GRIN2D: variants seen among roughly 807,000 people sequenced by gnomAD.
The protein encoded by GRIN2D is glutamate receptor ionotropic, NMDA 2D.
A neutral mutation model predicts 103.2 loss-of-function variants in GRIN2D; 37 were observed. The ratio of observed to expected loss-of-function variants is 0.36; its 90% CI spans 0.28 to 0.47. GRIN2D has a LOEUF of 0.47. GRIN2D is among the 20% of genes least tolerant of loss of function. The pLI, the probability that GRIN2D is intolerant of heterozygous loss-of-function variation, is 1.00. For missense variants in GRIN2D, 1,557 were observed against 1,910.6 expected, an observed-to-expected ratio of 0.81 and a Z score of 3.45; for synonymous variants, 845 against 885.6, an observed-to-expected ratio of 0.95 and a Z score of 0.81.
At chr19:48,434,718 G>A (rs1971208078) in intron 11 of GRIN2D, among the ~76,000 whole-genome samples, 1 of 151,954 alleles carries the variant, frequency 6.6e-6, no homozygotes, top group Non-Finnish European at 1.5e-5. Flanking sequence ...ACAAGCTTGA[G>A]TGACCACTCC....
intron 4 of GRIN2D, among the ~76,000 whole-genome samples, chr19:48,411,049 G>A (rs1970853123): frequency 6.6e-6 from 1 of 152,098 alleles, no homozygotes; most frequent in African/African-American, 2.4e-5. Context: ...TAAGACACAT[G>A]GAGTTGGTCA....
rs956673437 is a variant in GRIN2D, at chr19:48,394,787, G to A, written c.-176G>A. 2 of 155,628 alleles carry A rather than the reference G, an allele frequency of 1.3e-5. No homozygotes were observed. Among genetic ancestry groups the A allele is most frequent in the Non-Finnish European group, 1.4e-5 (1 of 70,530 alleles). 9.6% of individuals were successfully genotyped at this position (155,628 alleles called of 1,614,324 possible). On this transcript the variant is annotated 5_prime_UTR_variant, in exon 2 of 14. Coordinates refer to ENST00000263269, the MANE Select transcript of GRIN2D (RefSeq NM_000836.4). This position sits in a 1 kb window ranked among gnomAD's most constrained non-coding sequence, Gnocchi z 5.1. ...GGACAGACAGGAGGTCCGGGCTGCC[G>A]CTGCTGCCGCCACCACCACTGCCGC...
At chr19:48,423,596 A>G (rs1221876252) in intron 11 of GRIN2D, among the ~76,000 whole-genome samples, 2 of 152,028 alleles carry the variant, frequency 1.3e-5, no homozygotes, top group African/African-American at 2.4e-5. Flanking sequence ...CTTCAGACGG[A>G]GGGAACAGAG....
chr19:48,411,269 G>A (rs1049761708), intron 4 of GRIN2D, among the ~76,000 whole-genome samples: 74 of 151,684 alleles, frequency 4.9e-4, no homozygotes, highest in African/African-American at 1.6e-3. Flanking sequence ...AGGTTGCAGT[G>A]AGCCAAGATC....
chr19:48,407,394 C>T (rs913031975), intron 4 of GRIN2D, among the ~76,000 whole-genome samples: 1 of 152,036 alleles, frequency 6.6e-6, no homozygotes, highest in Admixed American at 6.6e-5. Context: ...AGTTCTTTAC[C>T]CAGAATTTCT....
chr19:48,400,167 C>T (rs968349729), intron 3 of GRIN2D, among the ~76,000 whole-genome samples: 16 of 151,952 alleles, frequency 1.1e-4, no homozygotes, highest in African/African-American at 3.4e-4. Context: ...CCAGTTGTAG[C>T]GGACCTCTGG....
chr19:48,410,295 C>T (rs1970841373), intron 4 of GRIN2D, among the ~76,000 whole-genome samples: 1 of 150,154 alleles, frequency 6.7e-6, no homozygotes. Context: ...TTTGGGAGGC[C>T]GAGGCGGGCG....
chr19:48,406,288 G>A (rs929992016), intron 4 of GRIN2D, among the ~76,000 whole-genome samples: 29 of 152,206 alleles, frequency 1.9e-4, no homozygotes, highest in African/African-American at 6.3e-4. Flanking sequence ...AAGGAAGAGT[G>A]GGAAATGTCA....
At chr19:48,431,897 T>C (rs1293502257) in intron 11 of GRIN2D, among the ~76,000 whole-genome samples, 1 of 138,540 alleles carries the variant, frequency 7.2e-6, no homozygotes, top group Non-Finnish European at 1.6e-5. Context: ...CTTTCCTTTC[T>C]TTTCTTTTAT....
In GRIN2D at chr19:48,393,739, C is replaced by T. The variant is rs986584820; in HGVS notation, c.-435C>T. On this transcript the variant is annotated 5_prime_UTR_variant, in exon 1 of 14. Transcript: ENST00000263269. This position sits in a 1 kb window ranked among gnomAD's most constrained non-coding sequence, Gnocchi z 5.6. ...CCCTCCCGCTCCAGCTCCTCCAAGC[C>T]GCGGCCGCCGCCGCCACCCTCGCCC... Among the ~76,000 whole-genome samples the T allele has an allele frequency of 3.9e-5, 6 of 152,086 alleles. No homozygotes were observed. In the South Asian group the frequency reaches 6.2e-4, roughly 16 times the overall value.
At chr19:48,402,115 GGAAA>G (rs201781099) in intron 3 of GRIN2D, among the ~76,000 whole-genome samples, 13,460 of 87,640 alleles carry the variant, frequency 0.15, 838 homozygotes, top group Non-Finnish European at 0.2. Context: ...AGAAAGAGAA[GGAAA>G]GAAAGAAAGA....
At chr19:48,416,608 A>C (rs1291921822) in intron 8 of GRIN2D, among the ~76,000 whole-genome samples, 1 of 152,224 alleles carries the variant, frequency 6.6e-6, no homozygotes, top group Non-Finnish European at 1.5e-5. Flanking sequence ...TTTACTGAGC[A>C]TCTACTATGT....
intron 11 of GRIN2D, among the ~76,000 whole-genome samples, chr19:48,426,224 C>CTTTTTTTTTTTTTTTTTTTT (rs369360320): frequency 7.5e-5 from 9 of 120,114 alleles, no homozygotes; most frequent in African/African-American, 2.5e-4. Flanking sequence ...TTCTTTCTTT[C>CTTTTTTTTTTTTTTTTTTTT]TTTTTTTTTT....
At chr19:48,424,627 C>T (rs1378580231) in intron 11 of GRIN2D, among the ~76,000 whole-genome samples, 2 of 152,098 alleles carry the variant, frequency 1.3e-5, no homozygotes, top group Non-Finnish European at 2.9e-5. Flanking sequence ...TATTTTGACA[C>T]GTAATCAGTA....
chr19:48,412,220 T>C (rs951149335), intron 4 of GRIN2D, among the ~76,000 whole-genome samples: 1 of 151,482 alleles, frequency 6.6e-6, no homozygotes, highest in Non-Finnish European at 1.5e-5. Context: ...TCCCAGTTAC[T>C]TGTGAGGCTG....
In GRIN2D at chr19:48,405,118, G is replaced by T; in HGVS notation, c.850G>T (p.Gly284Cys). 1 of 1,582,568 alleles carries T rather than the reference G, an allele frequency of 6.3e-7. No homozygotes were observed. ...MVGPQLAGGG[G>C]SGAPGEPPLL... Reference sequence around the variant, plus strand: ...GGGGCCCCAGCTGGCTGGAGGCGGGGGCTCTGGGGCCCCTGGTGAGCCCCC... The same window carrying T: ...GGGGCCCCAGCTGGCTGGAGGCGGGTGCTCTGGGGCCCCTGGTGAGCCCCC... The change falls in exon 4 of 14, where the codon GGC becomes TGC. Residue 284 changes from glycine (G) to cysteine (C), a missense_variant. Gly to Cys is a radical substitution (Grantham distance 159). Around this residue, in one of 7 missense-constraint regions of GRIN2D, gnomAD observed 490 missense variants for 601.1 expected, o/e 0.82. Coordinates refer to ENST00000263269, the MANE Select transcript of GRIN2D (RefSeq NM_000836.4). The surrounding 1 kb of genome is among the most constrained non-coding windows in gnomAD (Gnocchi z 5.1).
Position 48,443,486 on chromosome 19 carries a change from A to AGCT in GRIN2D, c.3566_3568dup (p.Leu1189dup). 1 of 1,362,768 alleles carries AGCT rather than the reference A, an allele frequency of 7.3e-7. No individual in the cohort carries two copies. The highest frequency in any genetic ancestry group is 1.7e-5 in the South Asian group (1 of 60,242). The allele number at this position is 1,362,768 out of a possible 1,614,324, so 84.4% of individuals were successfully genotyped here. A position where few individuals can be genotyped will look rare whatever the true frequency, so the allele number is the denominator to read the frequency against. ...CACTGTCGGCACTGCGCCAGCCTGG[A>AGCT]GCTGCTGCCGCCGCCGCGCCATCTC... On this transcript the variant is annotated inframe_insertion, in exon 14 of 14. Coordinates refer to ENST00000263269, the MANE Select transcript of GRIN2D (RefSeq NM_000836.4). This position sits in a 1 kb window ranked among gnomAD's most constrained non-coding sequence, Gnocchi z 8.9.
chr19:48,421,049 G>A lies in GRIN2D; in HGVS notation c.2092-736G>A, dbSNP rs1971016479. Reference sequence around the variant, plus strand: ...TATTAGAGGCTTGAGAAATCAGTTTGATGGGTTGCAATAAGCATTTTTTAA... The same window carrying A: ...TATTAGAGGCTTGAGAAATCAGTTTAATGGGTTGCAATAAGCATTTTTTAA... On this transcript the variant is annotated intron_variant, in intron 10 of 13. Transcript: ENST00000263269. The surrounding 1 kb of genome is among the most constrained non-coding windows in gnomAD (Gnocchi z 4.8). Among the ~76,000 whole-genome samples the A allele has an allele frequency of 6.6e-6, 1 of 152,194 alleles. No individual in the cohort carries two copies. The highest frequency in any genetic ancestry group is 2.4e-5 in the African/African-American group (1 of 41,446).
chr19:48,437,608 C>T (rs932994765), intron 11 of GRIN2D, among the ~76,000 whole-genome samples: 1 of 152,172 alleles, frequency 6.6e-6, no homozygotes, highest in African/African-American at 2.4e-5. Context: ...CAAAATGTAA[C>T]TTGAGTCTCT....
Sources: gnomAD v4.1 joint callset for allele counts (sites outside exome capture counted in the v4.1 genomes callset) on GRCh38, gnomAD v4.1.1 for gene constraint, gnomAD v4.1.1 regional missense constraint, Gnocchi (gnomAD v3.1) non-coding constraint, MANE v1.5 for transcripts, NCBI Gene and HGNC (gene_info 2026-07-23, HGNC 2026-07-21) for gene names.